Variants in GLP2R observed in about 807,000 individuals in gnomAD.
GLP2R encodes the protein glucagon like peptide 2 receptor.
GLP2R carries 59 observed loss-of-function variants against 68.2 expected under a neutral mutation model. The ratio of observed to expected loss-of-function variants is 0.87; its 90% CI spans 0.70 to 1.07. The LOEUF (loss-of-function observed/expected upper bound fraction) is 1.07. Among genes scored for constraint, GLP2R ranks in the 50% least tolerant of loss-of-function variants. GLP2R has a pLI of 0.00. For missense variants in GLP2R, 548 were observed against 677.4 expected (o/e 0.81, Z 2.12); for synonymous variants, 270 against 265.4 (o/e 1.02, Z -0.17).
chr17:9,887,550 CATT>C (rs1408540109), intron 11 of GLP2R, among the ~76,000 whole-genome samples: 3 of 151,920 alleles, frequency 2.0e-5, no homozygotes, highest in African/African-American at 7.2e-5. Context: ...AATAAACAAA[CATT>C]AGCCAGTGCC....
At position 9,840,357 on chromosome 17, in the gene GLP2R, G is replaced by T. The variant is rs1291248751; in HGVS notation, c.383-2138G>T. Among the ~76,000 whole-genome samples the T allele has an allele frequency of 2.0e-5, 3 of 152,290 alleles. No homozygotes were observed. The East Asian group carries it at 5.8e-4, about 29-fold the overall frequency. On this transcript the variant is annotated intron_variant, in intron 3 of 12. Coordinates refer to ENST00000262441, the MANE Select transcript of GLP2R (RefSeq NM_004246.3). ...GGCGATTTTTCTTTGCACTCCCCCA[G>T]CCAGAGCTGAGCCCTATTTGTATCT...
rs1400181256 is a variant in GLP2R at position 9,862,108 on chromosome 17, C to T, written c.1056+18C>T. Reference sequence around the variant, plus strand: ...GTGTAACAGTAAGGACCATCCCATCCACCTCTTTGTCTCGGAGCCTAGCAG... The same window carrying T: ...GTGTAACAGTAAGGACCATCCCATCTACCTCTTTGTCTCGGAGCCTAGCAG... On this transcript the variant is annotated intron_variant, in intron 9 of 12. Transcript: ENST00000262441. 7 of 1,586,598 alleles carry T rather than the reference C, an allele frequency of 4.4e-6. No individual in the cohort carries two copies. Among genetic ancestry groups the T allele is most frequent in the Non-Finnish European group, 6.1e-6 (7 of 1,155,078 alleles).
chr17:9,860,067 G>A lies in GLP2R; in HGVS notation c.891G>A (p.Arg297=), dbSNP rs2066973802. Residue 297 remains arginine (R), a synonymous_variant, in exon 7 of 13, where the codon AGG becomes AGA. Coordinates refer to ENST00000262441, the MANE Select transcript of GLP2R (RefSeq NM_004246.3). ...TGGAGCCCACAGTGCTTCCTGAGAG[G>A]CGGCTGTGGCCCAGATACCTGCTGT... ...TLLEPTVLPE[R]RLWPRYLLLG... The A allele has an allele frequency of 1.2e-5, 19 of 1,611,602 alleles. No individual in the cohort carries two copies. The East Asian group carries it at 4.2e-4, about 36-fold the overall frequency.
chr17:9,872,331 CTTT>C (rs2067102597), intron 10 of GLP2R, among the ~76,000 whole-genome samples: 1 of 152,170 alleles, frequency 6.6e-6, no homozygotes, highest in Non-Finnish European at 1.5e-5. Context: ...AATCCCAGTA[CTTT>C]GGGAGGCCAA....
chr17:9,880,369 C>A lies in GLP2R; in HGVS notation c.1146-9C>A. 1.3e-6 allele frequency: 2 copies of A among 1,577,150 alleles called. No homozygotes were observed. The highest frequency in any genetic ancestry group is 1.7e-6 in the Non-Finnish European group (2 of 1,154,214). On this transcript the variant is annotated splice_polypyrimidine_tract_variant and intron_variant, in intron 10 of 12. Transcript: ENST00000262441. Reference sequence around the variant, plus strand: ...GCCCTCTTGACTGTTATTTGGTTGTCATTTACAGATTGGCAAAATCAACAC... The same window carrying A: ...GCCCTCTTGACTGTTATTTGGTTGTAATTTACAGATTGGCAAAATCAACAC...
intron 1 of GLP2R, among the ~76,000 whole-genome samples, chr17:9,827,412 G>A (rs545438351): frequency 5.3e-5 from 8 of 152,182 alleles, no homozygotes; most frequent in South Asian, 2.1e-4. Flanking sequence ...ACTGAGTCTC[G>A]GAGAAGTTGA....
At chr17:9,863,626 C>T (rs776828949) in intron 9 of GLP2R, among the ~76,000 whole-genome samples, 1 of 152,186 alleles carries the variant, frequency 6.6e-6, no homozygotes, top group African/African-American at 2.4e-5. Context: ...CTCCTTCCCT[C>T]GCCATCTTTT....
intron 9 of GLP2R, among the ~76,000 whole-genome samples, chr17:9,863,499 G>T (rs573401571): frequency 6.6e-6 from 1 of 152,234 alleles, no homozygotes; most frequent in South Asian, 2.1e-4. Flanking sequence ...ACTTTTAACC[G>T]TAGCACTGTG....
At chr17:9,838,663 A>G (rs2066756287) in intron 3 of GLP2R, among the ~76,000 whole-genome samples, 1 of 152,248 alleles carries the variant, frequency 6.6e-6, no homozygotes, top group Non-Finnish European at 1.5e-5. Context: ...GGCTTCTGGA[A>G]TGTGAAGGGA....
chr17:9,871,731 T>C (rs1597397825), intron 10 of GLP2R, among the ~76,000 whole-genome samples: 1 of 145,802 alleles, frequency 6.9e-6, no homozygotes, highest in African/African-American at 2.5e-5. Flanking sequence ...CTTTTTTTTT[T>C]TTTTTTTTTT....
intron 9 of GLP2R, among the ~76,000 whole-genome samples, chr17:9,864,986 A>G (rs2067021676): frequency 6.6e-6 from 1 of 152,184 alleles, no homozygotes. Context: ...TTTGGATAAA[A>G]TGACCTTTAC....
At chr17:9,852,570 G>A (rs1330758441) in intron 4 of GLP2R, among the ~76,000 whole-genome samples, 1 of 152,028 alleles carries the variant, frequency 6.6e-6, no homozygotes, top group African/African-American at 2.4e-5. Flanking sequence ...CTCAAAGTAA[G>A]CAAAAGAAAA....
At chr17:9,850,363 A>C (rs538456565) in intron 4 of GLP2R, among the ~76,000 whole-genome samples, 1 of 152,170 alleles carries the variant, frequency 6.6e-6, no homozygotes, top group Non-Finnish European at 1.5e-5. Context: ...CCTTTGCCCT[A>C]ATCAATTCAG....
At chr17:9,842,320 T>A (rs2066794724) in intron 3 of GLP2R, among the ~76,000 whole-genome samples, 175 bp from the exon 4 acceptor site, 1 of 152,172 alleles carries the variant, frequency 6.6e-6, no homozygotes, top group Non-Finnish European at 1.5e-5. Context: ...TGTTACAAAA[T>A]TGAGAAGCTT....
intron 1 of GLP2R, among the ~76,000 whole-genome samples, chr17:9,832,785 A>G (rs2066692305): frequency 1.3e-5 from 2 of 152,328 alleles, no homozygotes; most frequent in Admixed American, 1.3e-4. Context: ...TGGTACAGGT[A>G]CACAACTAGA....
At chr17:9,879,255 A>T (rs531870740) in intron 10 of GLP2R, among the ~76,000 whole-genome samples, 12 of 36,008 alleles carry the variant, frequency 3.3e-4, no homozygotes, top group Admixed American at 1.1e-3. Context: ...TCCCCTCTCT[A>T]TAAAATAAAA....
At chr17:9,868,303 G>A (rs375224481) in intron 9 of GLP2R, among the ~76,000 whole-genome samples, 92 of 152,234 alleles carry the variant, frequency 6.0e-4, no homozygotes, top group African/African-American at 2.0e-3. Context: ...GGGGTTTGGC[G>A]GTAGATGGAA....
At chr17:9,865,314 T>TTGTG (rs3837867) in intron 9 of GLP2R, among the ~76,000 whole-genome samples, 67 of 118,280 alleles carry the variant, frequency 5.7e-4, no homozygotes, top group Middle Eastern at 4.6e-3. Context: ...CCTTGTGATT[T>TTGTG]TGTGTGTGTG....
At chr17:9,863,397 C>T (rs1426469204) in intron 9 of GLP2R, among the ~76,000 whole-genome samples, 4 of 152,196 alleles carry the variant, frequency 2.6e-5, no homozygotes, top group Admixed American at 6.5e-5. Context: ...CTGGTGAGCA[C>T]ACTGAGATGA....
Sources: gnomAD v4.1 joint callset for allele counts (sites outside exome capture counted in the v4.1 genomes callset) on GRCh38, gnomAD v4.1.1 for gene constraint, MANE v1.5 for transcripts, NCBI Gene and HGNC (gene_info 2026-07-23, HGNC 2026-07-21) for gene names.